TMEM108: variants seen among roughly 807,000 people sequenced by gnomAD.
TMEM108 encodes cancer/testis antigen 124.
TMEM108 carries 12 observed loss-of-function variants against 35.1 expected under a neutral mutation model. That is an observed-to-expected ratio of 0.34 (90% CI 0.22 to 0.55). The LOEUF is 0.55. TMEM108 is among the 20% of genes least tolerant of loss of function. The probability of loss-of-function intolerance (pLI) is 0.89; values close to 1 mark genes in which losing one functional copy is unlikely to be tolerated. For synonymous variants in TMEM108, 287 were observed against 308.6 expected (o/e 0.93, Z 0.73); for missense variants, 680 against 753.3 (o/e 0.90, Z 1.14).
intron 3 of TMEM108, among the ~76,000 whole-genome samples, chr3:133,348,358 G>T (rs1415049714): frequency 1.4e-5 from 2 of 147,996 alleles, no homozygotes; most frequent in Admixed American, 8.0e-5. Flanking sequence ...GAAAAAATAA[G>T]TTAGAGCTTC....
At chr3:133,256,536 G>A (rs534919460) in intron 3 of TMEM108, among the ~76,000 whole-genome samples, 11 of 152,148 alleles carry the variant, frequency 7.2e-5, no homozygotes, top group Admixed American at 3.3e-4. Context: ...AGTTGGGAGG[G>A]GATGAAGAGA....
At position 133,166,013 on chromosome 3, in the gene TMEM108, T is replaced by C. The variant is rs532605958; in HGVS notation, c.-46-63253T>C. Among the ~76,000 whole-genome samples the C allele has an allele frequency of 1.7e-4, 26 of 152,356 alleles. No individual in the cohort carries two copies. In the South Asian group the frequency reaches 3.9e-3, roughly 23 times the overall value. Reference sequence around the variant, plus strand: ...GGTGGTCTTCTCATCAGGAGAAAGTTACTGAAATCAGTCTTGTCCAATAAA... The same window carrying C: ...GGTGGTCTTCTCATCAGGAGAAAGTCACTGAAATCAGTCTTGTCCAATAAA... On this transcript the variant is annotated intron_variant, in intron 2 of 5. Transcript: ENST00000321871.
In TMEM108 at chr3:133,380,212, G is replaced by A. The variant is rs1244143925; in HGVS notation, c.501G>A (p.Arg167=). Residue 167 remains arginine (R), a synonymous_variant, in exon 4 of 6, where the codon AGG becomes AGA. Transcript: ENST00000321871. This position sits in a 1 kb window ranked among gnomAD's most constrained non-coding sequence, Gnocchi z 5.3. Reference sequence around the variant, plus strand: ...GCACTACCACACGCAGGCCCCCCAGGCCCCCAGGCTCTTCCCGAAAAGGGG... The same window carrying A: ...GCACTACCACACGCAGGCCCCCCAGACCCCCAGGCTCTTCCCGAAAAGGGG... ...PPRTTTRRPP[R]PPGSSRKGAG... The A allele has an allele frequency of 2.5e-6, 4 of 1,611,966 alleles. No individual in the cohort carries two copies. The highest frequency in any genetic ancestry group is 2.2e-5 in the South Asian group (2 of 90,908).
In TMEM108 at chr3:133,381,535, G is replaced by A. The variant is rs73209851; in HGVS notation, c.1450+374G>A. On this transcript the variant is annotated intron_variant, in intron 4 of 5. Coordinates refer to ENST00000321871, the MANE Select transcript of TMEM108 (RefSeq NM_023943.4). ...CTTGTAGCAGCTGTCTTCCAGCCCA[G>A]TGCCCTTGTCATGACACCACTCTGC... Among the ~76,000 whole-genome samples the A allele has an allele frequency of 2.2e-3, 330 of 152,312 alleles. 1 individual carries two copies. The highest frequency in any genetic ancestry group is 3.5e-3 in the Non-Finnish European group (241 of 68,034).
At chr3:133,382,028 A>C (rs1272232729) in intron 4 of TMEM108, among the ~76,000 whole-genome samples, 1 of 152,224 alleles carries the variant, frequency 6.6e-6, no homozygotes, top group African/African-American at 2.4e-5. Context: ...AGAATCTGGT[A>C]CAACCTCTCA....
intron 3 of TMEM108, chr3:133,253,463 A>G (rs192587402): frequency 6.6e-6 from 1 of 152,296 alleles, no homozygotes; most frequent in African/African-American, 2.4e-5. Context: ...CTAAAAAAAC[A>G]ACAAAAATTA....
chr3:133,358,459 C>T (rs1407936083), intron 3 of TMEM108, among the ~76,000 whole-genome samples: 3 of 152,038 alleles, frequency 2.0e-5, no homozygotes, highest in East Asian at 1.9e-4. Context: ...TGTGAGTCAC[C>T]GTGCCTGGCC....
At chr3:133,052,165 G>A (rs1340333273) in intron 2 of TMEM108, among the ~76,000 whole-genome samples, 7 of 152,182 alleles carry the variant, frequency 4.6e-5, no homozygotes, top group African/African-American at 1.7e-4. Context: ...TTTCACCAGA[G>A]TTTTGTAGTT....
intron 3 of TMEM108, among the ~76,000 whole-genome samples, chr3:133,333,201 C>A (rs2071419594): frequency 6.6e-6 from 1 of 152,144 alleles, no homozygotes; most frequent in Non-Finnish European, 1.5e-5. Context: ...TTCATTAAAA[C>A]AACACACCCT....
At chr3:133,121,986 T>G (rs530146715) in intron 2 of TMEM108, among the ~76,000 whole-genome samples, 2 of 152,302 alleles carry the variant, frequency 1.3e-5, no homozygotes, top group South Asian at 4.1e-4. Flanking sequence ...TCTTCAGTTG[T>G]CCCTCTCTGT....
At chr3:133,107,532 A>G (rs1944169331) in intron 2 of TMEM108, among the ~76,000 whole-genome samples, 2 of 151,890 alleles carry the variant, frequency 1.3e-5, no homozygotes, top group Admixed American at 1.3e-4. Flanking sequence ...ACACAGACAT[A>G]GCAGGGAAAA....
At chr3:133,110,404 C>T (rs1944210991) in intron 2 of TMEM108, among the ~76,000 whole-genome samples, 1 of 152,142 alleles carries the variant, frequency 6.6e-6, no homozygotes, top group South Asian at 2.1e-4. Context: ...ATGTTTACAC[C>T]AGTAGGTTAT....
chr3:133,197,168 G>C (rs1033633036), intron 2 of TMEM108, among the ~76,000 whole-genome samples: 11 of 152,166 alleles, frequency 7.2e-5, no homozygotes, highest in African/African-American at 2.4e-4. Flanking sequence ...ATTAGTCATA[G>C]TTTGTTCAGG....
chr3:133,344,317 A>C (rs2071750934), intron 3 of TMEM108, among the ~76,000 whole-genome samples: 1 of 151,850 alleles, frequency 6.6e-6, no homozygotes, highest in Admixed American at 6.6e-5. Flanking sequence ...TTAAAAATTC[A>C]AATATCGATT....
intron 3 of TMEM108, among the ~76,000 whole-genome samples, chr3:133,326,025 T>C (rs1198621096): frequency 6.6e-6 from 1 of 152,148 alleles, no homozygotes; most frequent in Admixed American, 6.6e-5. Context: ...TGATCACTGA[T>C]GTAGCTGGGT....
At chr3:133,274,181 T>C (rs1946809687) in intron 3 of TMEM108, among the ~76,000 whole-genome samples, 1 of 152,218 alleles carries the variant, frequency 6.6e-6, no homozygotes, top group African/African-American at 2.4e-5. Context: ...CCTTCCCATC[T>C]ACAAGATCCA....
chr3:133,137,336 C>T (rs572379194), intron 2 of TMEM108, among the ~76,000 whole-genome samples: 13 of 152,268 alleles, frequency 8.5e-5, no homozygotes, highest in South Asian at 4.1e-4. Flanking sequence ...ACCACGCTGC[C>T]GTCAGTCATC....
At chr3:133,190,751 C>T (rs1024510882) in intron 2 of TMEM108, among the ~76,000 whole-genome samples, 6 of 152,188 alleles carry the variant, frequency 3.9e-5, no homozygotes, top group Non-Finnish European at 7.3e-5. Context: ...AGAGACCTGG[C>T]ATTTATTGGT....
chr3:133,256,078 C>A (rs1349250730), intron 3 of TMEM108, among the ~76,000 whole-genome samples: 1 of 152,116 alleles, frequency 6.6e-6, no homozygotes, highest in Non-Finnish European at 1.5e-5. Context: ...ATCCTAAAAG[C>A]AGCCAGAGGA....
Sources: gnomAD v4.1 joint callset for allele counts (sites outside exome capture counted in the v4.1 genomes callset) on GRCh38, gnomAD v4.1.1 for gene constraint, Gnocchi (gnomAD v3.1) non-coding constraint, MANE v1.5 for transcripts, NCBI Gene and HGNC (gene_info 2026-07-23, HGNC 2026-07-21) for gene names.